The following BIN3 variants were observed in gnomAD, a reference collection of about 807,000 sequenced individuals.
The protein encoded by BIN3 is bridging integrator 3.
Under a neutral mutation model 38.2 loss-of-function variants are expected in BIN3, and 41 were observed. The observed-to-expected ratio is 1.07, with a 90% CI of 0.84 to 1.39. The LOEUF is 1.39. BIN3 is among the 40% of genes most tolerant of loss of function. The pLI is 0.00. For missense variants in BIN3, 361 were observed against 324.3 expected, an observed-to-expected ratio of 1.11 and a Z score of -0.87; for synonymous variants, 145 against 122.6, an observed-to-expected ratio of 1.18 and a Z score of -1.21.
At chr8:22,626,721 G>C (rs1353797130) in intron 6 of BIN3, among the ~76,000 whole-genome samples, 1 of 152,196 alleles carries the variant, frequency 6.6e-6, no homozygotes, top group African/African-American at 2.4e-5. Flanking sequence ...AGGAAGGAGG[G>C]CATCACAGCG....
chr8:22,623,935 C>G lies in BIN3; in HGVS notation c.595G>C (p.Glu199Gln). Reference protein sequence around the residue: ...SRLDYFQPSFESLIRAQVVYY... With the variant: ...SRLDYFQPSFQSLIRAQVVYY... ...CTCACCTGAGCTCGGATGAGGGACT[C>G]AAAGCTGGGCTGGAAGTAGTCGAGG... Residue 199 changes from glutamate (E) to glutamine (Q), a missense_variant, in exon 8 of 9, where the codon GAG becomes CAG. Physicochemically the swap from Glu to Gln is conservative, Grantham distance 29 (BLOSUM62 2). Coordinates refer to ENST00000276416, the MANE Select transcript of BIN3 (RefSeq NM_018688.6). 2 of 1,611,814 alleles carry G rather than the reference C, an allele frequency of 1.2e-6. No individual in the cohort carries two copies. The highest frequency in any genetic ancestry group is 1.7e-6 in the Non-Finnish European group (2 of 1,179,358).
chr8:22,632,855 C>T (rs561674236), intron 4 of BIN3, among the ~76,000 whole-genome samples: 4 of 152,188 alleles, frequency 2.6e-5, no homozygotes, highest in African/African-American at 7.2e-5. Context: ...ATTACAGGTG[C>T]CTGCCATCAC....
In BIN3 at chr8:22,621,247, G is replaced by A. The variant is rs1033726230; in HGVS notation, c.*175C>T. 21 of 806,598 alleles carry A rather than the reference G, an allele frequency of 2.6e-5. No individual in the cohort carries two copies. Among genetic ancestry groups the A allele is most frequent in the Middle Eastern group, 3.7e-4 (1 of 2,728 alleles). The allele number at this position is 806,598 out of a possible 1,614,324, so 50.0% of individuals were successfully genotyped here. A position where few individuals can be genotyped will look rare whatever the true frequency, so the allele number is the denominator to read the frequency against. ...CTGGGGCTGTGAGTGGGGAGACGGC[G>A]GCCTGCCTAGGGCTCCTGGTGCCAG... is the stretch of plus-strand genomic sequence containing the variant. On this transcript the variant is annotated 3_prime_UTR_variant, in exon 9 of 9. Transcript: ENST00000276416.
chr8:22,630,794 T>C (rs1802169990), intron 4 of BIN3, among the ~76,000 whole-genome samples: 1 of 152,174 alleles, frequency 6.6e-6, no homozygotes. Flanking sequence ...CAGACAATTC[T>C]TTTGAGCCGC....
intron 5 of BIN3, 31 bp from the exon 6 acceptor site, chr8:22,630,035 C>A: frequency 5.0e-6 from 8 of 1,597,918 alleles, no homozygotes; most frequent in Non-Finnish European, 6.8e-6. Context: ...GACATTAAAA[C>A]TGGTGGGGAG....
chr8:22,623,977 G>C lies in BIN3; in HGVS notation c.553C>G (p.Arg185Gly), dbSNP rs11550511. 1 of 1,612,474 alleles carries C rather than the reference G, an allele frequency of 6.2e-7. No homozygotes were observed. The highest frequency in any genetic ancestry group is 1.7e-5 in the Admixed American group (1 of 59,948). ...TAGTCGAGGCGGCTGCCGTAGAAGC[G>C]CGGCATCTCCTCCAGCAGCTGCCTG... ...KNRQLLEEMPRFYGSRLDYFQ... is the reference protein window; with the variant it reads ...KNRQLLEEMPGFYGSRLDYFQ... Residue 185 changes from arginine to glycine, a missense_variant, in exon 8 of 9, where the codon CGC becomes GGC. Physicochemically the swap from Arg to Gly is moderately radical, Grantham distance 125. Transcript: ENST00000276416.
At chr8:22,634,378 C>G in intron 4 of BIN3, 1 of 419,048 alleles carries the variant, frequency 2.4e-6, no homozygotes, top group South Asian at 1.7e-5. Flanking sequence ...CAGACCAAGA[C>G]GGCCACAGTC....
At chr8:22,645,034 A>G in intron 1 of BIN3, 1 of 487,304 alleles carries the variant, frequency 2.1e-6, no homozygotes, top group Non-Finnish European at 3.8e-6. Flanking sequence ...GCTCTGCCCC[A>G]GAACATCTTT....
Position 22,624,215 on chromosome 8 carries a change from CT to C in BIN3, c.480+6del. 2.5e-6 allele frequency: 4 copies of C among 1,612,566 alleles called. No homozygotes were observed. Among genetic ancestry groups the C allele is most frequent in the Non-Finnish European group, 3.4e-6 (4 of 1,179,166 alleles). ...TCTAGCCCCTGCCCACCTGTCTCCC[CT>C]GGTACCTGGTGGAGCTTGGCCAGCA... On this transcript the variant is annotated splice_donor_region_variant and intron_variant, in intron 7 of 8. Transcript: ENST00000276416.
chr8:22,645,055 G>A (rs1327017291), intron 1 of BIN3, among the ~76,000 whole-genome samples: 4 of 151,978 alleles, frequency 2.6e-5, no homozygotes, highest in Non-Finnish European at 4.4e-5. Context: ...GCTACTGATA[G>A]TCTGTCATTT....
chr8:22,663,207 A>AGTGTGTGTGT (rs3220194), intron 1 of BIN3, among the ~76,000 whole-genome samples: 2 of 150,156 alleles, frequency 1.3e-5, no homozygotes, highest in African/African-American at 4.9e-5. Context: ...TTCAAGTATA[A>AGTGTGTGTGT]GTGTGTGTGT....
chr8:22,623,222 T>G (rs776643036), intron 8 of BIN3, among the ~76,000 whole-genome samples: 23 of 152,212 alleles, frequency 1.5e-4, no homozygotes, highest in Non-Finnish European at 2.6e-4. Flanking sequence ...CACCCTTTTC[T>G]ATTTTGCCAG....
intron 1 of BIN3, among the ~76,000 whole-genome samples, chr8:22,658,287 G>A (rs1053877371): frequency 6.6e-6 from 1 of 152,078 alleles, no homozygotes; most frequent in Non-Finnish European, 1.5e-5. Context: ...AAAAAGTTCT[G>A]TGTGTACGGA....
intron 1 of BIN3, among the ~76,000 whole-genome samples, chr8:22,663,461 A>AC (rs1238632882): frequency 6.7e-6 from 1 of 149,706 alleles, no homozygotes; most frequent in Non-Finnish European, 1.5e-5. Flanking sequence ...AAAAAAAAAA[A>AC]AGGAAACTAT....
chr8:22,648,792 G>A (rs937511702), intron 1 of BIN3, among the ~76,000 whole-genome samples: 1 of 152,012 alleles, frequency 6.6e-6, no homozygotes, highest in Non-Finnish European at 1.5e-5. Flanking sequence ...TATATTTTGG[G>A]TTATAATCTA....
chr8:22,653,806 A>G (rs1585200460), intron 1 of BIN3, among the ~76,000 whole-genome samples: 1 of 152,242 alleles, frequency 6.6e-6, no homozygotes, highest in East Asian at 1.9e-4. Flanking sequence ...GGTCCATTTA[A>G]GTTGGGACCC....
chr8:22,635,611 C>T (rs11776549), intron 4 of BIN3, among the ~76,000 whole-genome samples: 39,860 of 151,744 alleles, frequency 0.26, 5,713 homozygotes, highest in South Asian at 0.35. Context: ...CAGTGCTTTA[C>T]GTTGCTCATC....
chr8:22,644,803 C>T lies in BIN3; in HGVS notation c.9G>A (p.Trp3Ter). MS[W>*]IPFKIGQPKK... is the part of the protein sequence containing the mutation. ...TGGGCTGCCCAATCTTAAAAGGAAT[C>T]CTATAAGAGAAAGAGACAAAGAGAG... The change falls in exon 2 of 9, where the codon TGG becomes TGA. Residue 3 changes from tryptophan (W) to a stop codon, truncating the protein, a stop_gained and splice_region_variant. Transcript: ENST00000276416. LOFTEE classifies it high-confidence loss of function. 1 of 1,609,528 alleles carries T rather than the reference C, an allele frequency of 6.2e-7. No homozygotes were observed. The highest frequency in any genetic ancestry group is 8.5e-7 in the Non-Finnish European group (1 of 1,177,580).
At chr8:22,636,420 T>C in intron 4 of BIN3, 105 bp downstream of exon 4, 2 of 1,196,430 alleles carry the variant, frequency 1.7e-6, no homozygotes, top group Non-Finnish European at 2.4e-6. Context: ...TGGGTACACG[T>C]CCTCTGAGCG....
Sources: allele counts gnomAD v4.1 joint callset (sites outside exome capture counted in the v4.1 genomes callset), GRCh38; gene constraint gnomAD v4.1.1; transcripts MANE v1.5; gene names NCBI Gene and HGNC (gene_info 2026-07-23, HGNC 2026-07-21).